Variants in PPARGC1A observed in about 807,000 individuals in gnomAD.
PPARGC1A encodes PPARG coactivator 1 alpha, also known as peroxisome proliferator-activated receptor gamma coactivator 1-alpha.
Under a neutral mutation model 88.7 loss-of-function variants are expected in PPARGC1A, and 25 were observed. The observed-to-expected ratio is 0.28, with a 90% CI of 0.21 to 0.39. The LOEUF (loss-of-function observed/expected upper bound fraction) is 0.39, where lower values mean the gene tolerates loss of function less well. PPARGC1A is among the 10% of genes least tolerant of loss of function. The pLI is 1.00. For synonymous variants in PPARGC1A, 363 were observed against 355.6 expected, an observed-to-expected ratio of 1.02 and a Z score of -0.24; for missense variants, 880 against 968.7, an observed-to-expected ratio of 0.91 and a Z score of 1.22.
At chr4:23,828,321 T>C in intron 5 of PPARGC1A, 79 bp downstream of exon 5, 1 of 1,396,252 alleles carries the variant, frequency 7.2e-7, no homozygotes, top group Non-Finnish European at 1.0e-6. Context: ...AGCAAGAAGT[T>C]GGTGTGTTCT....
the PPARGC1A span, among the ~76,000 whole-genome samples, chr4:24,410,536 G>A: frequency 6.6e-6 from 1 of 152,168 alleles, no homozygotes; most frequent in Non-Finnish European, 1.5e-5. Flanking sequence ...CAACTTGATT[G>A]GATTGAAGGA....
At chr4:24,397,074 G>A in the PPARGC1A span, among the ~76,000 whole-genome samples, 3 of 152,154 alleles carry the variant, frequency 2.0e-5, no homozygotes, top group African/African-American at 7.2e-5. Context: ...CCATGCACAT[G>A]AGACGTGAAC....
chr4:24,432,024 TG>T, the PPARGC1A span, among the ~76,000 whole-genome samples: 59 of 151,934 alleles, frequency 3.9e-4, no homozygotes, highest in Non-Finnish European at 7.4e-4. Flanking sequence ...TCAGGGAAAA[TG>T]GGGGTGAGGT....
the PPARGC1A span, among the ~76,000 whole-genome samples, chr4:24,231,398 C>T: frequency 6.6e-6 from 1 of 152,176 alleles, no homozygotes; most frequent in Admixed American, 6.5e-5. Flanking sequence ...AGGTATTCAG[C>T]GTTTCCAATG....
the PPARGC1A span, among the ~76,000 whole-genome samples, chr4:24,213,310 G>T: frequency 6.6e-6 from 1 of 151,890 alleles, no homozygotes; most frequent in Non-Finnish European, 1.5e-5. Flanking sequence ...GGGACTACAG[G>T]CGCCCACCAC....
chr4:24,148,416 C>T, the PPARGC1A span, among the ~76,000 whole-genome samples: 2 of 152,278 alleles, frequency 1.3e-5, no homozygotes, highest in South Asian at 4.1e-4. Context: ...CTCTTATGAA[C>T]TCAGTCATGA....
chr4:23,841,232 G>A (rs1261164706), intron 2 of PPARGC1A, among the ~76,000 whole-genome samples: 1 of 152,026 alleles, frequency 6.6e-6, no homozygotes, highest in Admixed American at 6.6e-5. Flanking sequence ...CCATGCAGGA[G>A]TATTGACTCT....
the PPARGC1A span, among the ~76,000 whole-genome samples, chr4:23,921,516 G>T: frequency 6.6e-6 from 1 of 152,236 alleles, no homozygotes; most frequent in East Asian, 1.9e-4. Context: ...GTGCCAGGCA[G>T]CTCATCATGT....
the PPARGC1A span, among the ~76,000 whole-genome samples, chr4:24,136,592 C>T: frequency 6.6e-6 from 1 of 152,170 alleles, no homozygotes; most frequent in Non-Finnish European, 1.5e-5. Flanking sequence ...CAAAACAGAG[C>T]ACGAAATGTG....
the PPARGC1A span, among the ~76,000 whole-genome samples, chr4:24,394,844 G>A: frequency 6.6e-6 from 1 of 152,252 alleles, no homozygotes; most frequent in East Asian, 1.9e-4. Flanking sequence ...CTAAAATGTG[G>A]GGGAAAAAAT....
At chr4:24,064,881 A>G in the PPARGC1A span, among the ~76,000 whole-genome samples, 1 of 152,084 alleles carries the variant, frequency 6.6e-6, no homozygotes, top group Non-Finnish European at 1.5e-5. Flanking sequence ...CTTACAATCC[A>G]GGTTAGTGGA....
chr4:24,347,604 G>A, the PPARGC1A span, among the ~76,000 whole-genome samples: 9 of 152,232 alleles, frequency 5.9e-5, no homozygotes, highest in Admixed American at 1.3e-4. Flanking sequence ...CCATTTGTAT[G>A]AAATGCCTTT....
the PPARGC1A span, among the ~76,000 whole-genome samples, chr4:24,143,094 A>G: frequency 6.6e-6 from 1 of 152,262 alleles, no homozygotes; most frequent in South Asian, 2.1e-4. Flanking sequence ...GCATACATGT[A>G]TCTTTCAAAA....
chr4:24,264,692 G>C, the PPARGC1A span, among the ~76,000 whole-genome samples: 1 of 152,258 alleles, frequency 6.6e-6, no homozygotes, highest in African/African-American at 2.4e-5. Context: ...CTAAGAATTA[G>C]AGAGATGAGT....
chr4:24,434,611 C>T, the PPARGC1A span, among the ~76,000 whole-genome samples: 1 of 152,180 alleles, frequency 6.6e-6, no homozygotes, highest in African/African-American at 2.4e-5. Flanking sequence ...AGGTCATGGT[C>T]GGCTTGGGAA....
chr4:24,056,780 G>C, the PPARGC1A span, among the ~76,000 whole-genome samples: 2 of 152,174 alleles, frequency 1.3e-5, no homozygotes, highest in African/African-American at 4.8e-5. Flanking sequence ...CGGCAACTAT[G>C]AACAAAAAAC....
the PPARGC1A span, among the ~76,000 whole-genome samples, chr4:24,342,279 C>A: frequency 8.6e-5 from 13 of 151,110 alleles, no homozygotes; most frequent in African/African-American, 3.2e-4. Flanking sequence ...ATTCAAGTTT[C>A]AAAAAAAAAT....
chr4:24,365,880 T>G, the PPARGC1A span, among the ~76,000 whole-genome samples: 1 of 152,218 alleles, frequency 6.6e-6, no homozygotes, highest in Non-Finnish European at 1.5e-5. Context: ...AGGCAGATGA[T>G]TGACAGATAA....
the PPARGC1A span, among the ~76,000 whole-genome samples, chr4:24,250,271 T>G: frequency 0.2 from 29,778 of 152,174 alleles, 3,115 homozygotes; most frequent in East Asian, 0.24. Context: ...ATTTCTGGAC[T>G]AACACCTGTG....
Sources: gnomAD v4.1 joint callset for allele counts (sites outside exome capture counted in the v4.1 genomes callset) on GRCh38, gnomAD v4.1.1 for gene constraint, MANE v1.5 for transcripts, NCBI Gene and HGNC (gene_info 2026-07-23, HGNC 2026-07-21) for gene names.